Variants in ACCSL observed in about 807,000 individuals in gnomAD.
ACCSL encodes the protein probable inactive 1-aminocyclopropane-1-carboxylate synthase-like protein 2.
In ACCSL, 55 loss-of-function variants were observed where a neutral mutation model predicts 61.7. That is an observed-to-expected ratio of 0.89 (90% CI 0.72 to 1.12). The LOEUF is 1.12. ACCSL is among the 50% of genes most tolerant of loss of function. The pLI is 0.00. For synonymous variants in ACCSL, 258 were observed against 264.3 expected, an observed-to-expected ratio of 0.98 and a Z score of 0.23; for missense variants, 632 against 698.0, an observed-to-expected ratio of 0.91 and a Z score of 1.07.
chr11:43,949,422 C>A, the ACCSL span, among the ~76,000 whole-genome samples: 1 of 152,186 alleles, frequency 6.6e-6, no homozygotes, highest in Non-Finnish European at 1.5e-5. Context: ...ATCTTGGGAC[C>A]CCAAAGTCAC....
At chr11:44,042,333 T>G in the ACCSL span, among the ~76,000 whole-genome samples, 1 of 152,178 alleles carries the variant, frequency 6.6e-6, no homozygotes, top group South Asian at 2.1e-4. Context: ...GGGAACTGAT[T>G]TGTTCAGATT....
chr11:44,016,575 A>G, the ACCSL span, among the ~76,000 whole-genome samples: 1 of 152,130 alleles, frequency 6.6e-6, no homozygotes, highest in Non-Finnish European at 1.5e-5. Flanking sequence ...AGAAAAAGAT[A>G]GTATCTGTTC....
chr11:44,046,983 A>T (rs1037701806), upstream of ACCSL, among the ~76,000 whole-genome samples: 2 of 152,144 alleles, frequency 1.3e-5, no homozygotes, highest in Non-Finnish European at 2.9e-5. Flanking sequence ...TGCCACTGCA[A>T]TTCAGTCTGA....
At chr11:44,027,737 A>T in the ACCSL span, among the ~76,000 whole-genome samples, 1 of 152,250 alleles carries the variant, frequency 6.6e-6, no homozygotes, top group Non-Finnish European at 1.5e-5. Flanking sequence ...GAGATAATTT[A>T]AGGTAATATA....
At chr11:44,024,995 A>AT in the ACCSL span, among the ~76,000 whole-genome samples, 1,780 of 152,270 alleles carry the variant, frequency 0.012, 43 homozygotes, top group African/African-American at 0.041. Flanking sequence ...ACATTTGCAT[A>AT]TAGCAATTCC....
chr11:44,037,470 A>G, the ACCSL span, among the ~76,000 whole-genome samples: 1 of 152,032 alleles, frequency 6.6e-6, no homozygotes, highest in East Asian at 1.9e-4. Flanking sequence ...CCTCTTCTAT[A>G]CTCCTCTCAC....
chr11:43,957,423 T>C, the ACCSL span, among the ~76,000 whole-genome samples: 1 of 152,172 alleles, frequency 6.6e-6, no homozygotes, highest in East Asian at 1.9e-4. Context: ...AAAGAAATGC[T>C]TAAGATAGGG....
chr11:44,028,284 C>T, the ACCSL span, among the ~76,000 whole-genome samples: 1 of 151,972 alleles, frequency 6.6e-6, no homozygotes, highest in Admixed American at 6.6e-5. Flanking sequence ...CCACATTCTA[C>T]CCACAAGCCC....
the ACCSL span, among the ~76,000 whole-genome samples, chr11:44,034,282 C>T: frequency 6.6e-6 from 1 of 152,150 alleles, no homozygotes; most frequent in East Asian, 1.9e-4. Context: ...ACAGGTGGGA[C>T]TTGGCATTTG....
the ACCSL span, among the ~76,000 whole-genome samples, chr11:44,033,060 A>C: frequency 1.3e-5 from 2 of 152,344 alleles, no homozygotes; most frequent in Non-Finnish European, 2.9e-5. Context: ...GCTCAACAAA[A>C]GTTAATAATG....
At chr11:43,950,383 A>G in the ACCSL span, among the ~76,000 whole-genome samples, 5 of 152,244 alleles carry the variant, frequency 3.3e-5, no homozygotes, top group Admixed American at 2.0e-4. Flanking sequence ...TTTTGGGTTC[A>G]CAAGGGCAAG....
At chr11:43,972,323 G>T in the ACCSL span, among the ~76,000 whole-genome samples, 1 of 152,284 alleles carries the variant, frequency 6.6e-6, no homozygotes, top group Non-Finnish European at 1.5e-5. Context: ...GTCACCCACT[G>T]CCCCTCACTC....
the ACCSL span, among the ~76,000 whole-genome samples, chr11:44,026,153 C>A: frequency 0.4 from 60,873 of 151,976 alleles, 12,686 homozygotes; most frequent in Admixed American, 0.42. Context: ...CTCTTGGACA[C>A]CCATTATGCA....
the ACCSL span, among the ~76,000 whole-genome samples, chr11:43,924,720 C>T: frequency 1.3e-5 from 2 of 152,348 alleles, no homozygotes; most frequent in African/African-American, 4.8e-5. Context: ...AGCCACCTGC[C>T]TGGGGGTTCG....
the ACCSL span, chr11:43,944,311 G>A: frequency 6.1e-6 from 1 of 164,258 alleles, no homozygotes; most frequent in Admixed American, 5.5e-5. Flanking sequence ...CCAGCAATGC[G>A]AGATGTTTGG....
the ACCSL span, among the ~76,000 whole-genome samples, chr11:44,018,324 C>T: frequency 1.5e-4 from 23 of 152,306 alleles, no homozygotes; most frequent in South Asian, 1.0e-3. Context: ...CAGCCGGTCT[C>T]GACCTCTGCC....
chr11:44,017,783 C>A, the ACCSL span, among the ~76,000 whole-genome samples: 1 of 151,820 alleles, frequency 6.6e-6, no homozygotes, highest in Non-Finnish European at 1.5e-5. Flanking sequence ...AATTGTGTAA[C>A]CCTGGGCTTG....
At chr11:43,931,308 C>T in the ACCSL span, among the ~76,000 whole-genome samples, 1 of 152,202 alleles carries the variant, frequency 6.6e-6, no homozygotes, top group Non-Finnish European at 1.5e-5. Flanking sequence ...GTGTCATCCA[C>T]ACTCCCCTCC....
the ACCSL span, among the ~76,000 whole-genome samples, chr11:43,951,398 C>T: frequency 6.6e-6 from 1 of 152,116 alleles, no homozygotes; most frequent in African/African-American, 2.4e-5. Context: ...TTAGAATAGC[C>T]CCAAGGTAGC....
Sources: allele counts gnomAD v4.1 joint callset (sites outside exome capture counted in the v4.1 genomes callset), GRCh38; gene constraint gnomAD v4.1.1; transcripts MANE v1.5; gene names NCBI Gene and HGNC (gene_info 2026-07-23, HGNC 2026-07-21).